The following FNDC3B variants were observed in gnomAD, a reference collection of about 807,000 sequenced individuals.
The protein encoded by FNDC3B is fibronectin type III domain containing 3B, also known as fibronectin type III domain-containing protein 3B.
In FNDC3B, 12 loss-of-function variants were observed where a neutral mutation model predicts 151.5. The observed-to-expected ratio is 0.08, with a 90% CI of 0.05 to 0.13. The LOEUF is 0.13. Among genes scored for constraint, FNDC3B ranks in the 10% least tolerant of loss-of-function variants. FNDC3B has a pLI of 1.00. For synonymous variants in FNDC3B, 528 were observed against 549.0 expected (o/e 0.96, Z 0.54); for missense variants, 1,214 against 1,505.3 (o/e 0.81, Z 3.20).
At chr3:172,094,803 T>C (rs1719018387) in intron 1 of FNDC3B, among the ~76,000 whole-genome samples, 1 of 151,482 alleles carries the variant, frequency 6.6e-6, no homozygotes, top group South Asian at 2.1e-4. Context: ...GAATCACTGG[T>C]CTGTGAGCGG....
At chr3:172,373,332 C>T (rs1364761251) in intron 23 of FNDC3B, among the ~76,000 whole-genome samples, 1 of 152,162 alleles carries the variant, frequency 6.6e-6, no homozygotes, top group Non-Finnish European at 1.5e-5. Context: ...ACAGCAGGAC[C>T]CTTCTGTTGC....
chr3:172,064,169 GCCTAAGGGAGCCTGATTGCC>G (rs1388754845), intron 1 of FNDC3B, among the ~76,000 whole-genome samples: 1 of 152,102 alleles, frequency 6.6e-6, no homozygotes, highest in Non-Finnish European at 1.5e-5. Context: ...TAGATAGACA[GCCTAAGGGAGCCTGATTGCC>G]CCTCCACCAT....
intron 3 of FNDC3B, among the ~76,000 whole-genome samples, chr3:172,155,327 C>G (rs1722429616): frequency 6.6e-6 from 1 of 152,246 alleles, no homozygotes; most frequent in South Asian, 2.1e-4. Context: ...CTGTGGCATC[C>G]CAATCTGATT....
At chr3:172,116,581 T>C (rs1475476320) in intron 2 of FNDC3B, among the ~76,000 whole-genome samples, 7 of 152,236 alleles carry the variant, frequency 4.6e-5, no homozygotes, top group Non-Finnish European at 1.0e-4. Flanking sequence ...TTGTTTTTTT[T>C]TTGAGATGGA....
At position 172,385,838 on chromosome 3, in the gene FNDC3B, G is replaced by A. The variant is rs190808150; in HGVS notation, c.3303+4745G>A. On this transcript the variant is annotated intron_variant, in intron 25 of 25. Transcript: ENST00000415807. ...CTCCCAAAGTGCTGGGATTACAGGCGTGAGCCACCATGCCCGGCCCTTCCC... is the reference window on the plus strand; with the variant it reads ...CTCCCAAAGTGCTGGGATTACAGGCATGAGCCACCATGCCCGGCCCTTCCC... Among the ~76,000 whole-genome samples the A allele has an allele frequency of 1.4e-4, 21 of 152,224 alleles. No individual in the cohort carries two copies. In the South Asian group the frequency reaches 3.3e-3, roughly 24 times the overall value.
intron 1 of FNDC3B, among the ~76,000 whole-genome samples, chr3:172,044,401 C>T (rs1374510831): frequency 6.7e-6 from 1 of 149,328 alleles, no homozygotes; most frequent in Non-Finnish European, 1.5e-5. Flanking sequence ...ATATCTGAAT[C>T]TATTGTATCT....
intron 7 of FNDC3B, among the ~76,000 whole-genome samples, chr3:172,293,733 A>T (rs904550834): frequency 2.6e-5 from 4 of 152,246 alleles, no homozygotes; most frequent in Non-Finnish European, 5.9e-5. Context: ...TAAATATATC[A>T]TGATATTCTA....
intron 25 of FNDC3B, among the ~76,000 whole-genome samples, chr3:172,393,277 C>T (rs918220680): frequency 1.3e-5 from 2 of 152,076 alleles, no homozygotes; most frequent in Non-Finnish European, 2.9e-5. Context: ...AAGTCAAAAA[C>T]TGTAAAAAGA....
chr3:172,226,299 C>G lies in FNDC3B; in HGVS notation c.188-572C>G, dbSNP rs761565613. Among the ~76,000 whole-genome samples, 55 of 116,912 alleles carry G rather than the reference C, an allele frequency of 4.7e-4. 2 individuals are homozygous for G. The highest frequency in any genetic ancestry group is 1.8e-3 in the Admixed American group (19 of 10,792). The allele number at this position is 116,912 out of a possible 152,430, so 76.7% of individuals were successfully genotyped here. On this transcript the variant is annotated intron_variant, in intron 3 of 25. Coordinates refer to ENST00000415807, the MANE Select transcript of FNDC3B (RefSeq NM_022763.4). ...CAGCCTTGGTGACAAGTGCGAAACT[C>G]TGTCTCAAAAAAAAAAAAAAAAAAT...
chr3:172,329,080 T>A lies in FNDC3B; in HGVS notation c.1379+4T>A. 2 of 1,608,580 alleles carry A rather than the reference T, an allele frequency of 1.2e-6. No homozygotes were observed. The highest frequency in any genetic ancestry group is 1.7e-6 in the Non-Finnish European group (2 of 1,176,662). On this transcript the variant is annotated splice_donor_region_variant and intron_variant, in intron 12 of 25. Coordinates refer to ENST00000415807, the MANE Select transcript of FNDC3B (RefSeq NM_022763.4). ...CTCGAAACGACATTGGTACCAGGTA[T>A]GACGTTTCCTTGTCCTCTTGCCCTT...
At chr3:172,193,719 A>T (rs1453806681) in intron 3 of FNDC3B, among the ~76,000 whole-genome samples, 1 of 151,884 alleles carries the variant, frequency 6.6e-6, no homozygotes, top group Non-Finnish European at 1.5e-5. Context: ...GTTGGAAGGG[A>T]CCTGTATTTG....
chr3:172,250,191 G>A (rs1196031473), intron 5 of FNDC3B, among the ~76,000 whole-genome samples: 2 of 152,104 alleles, frequency 1.3e-5, no homozygotes, highest in African/African-American at 4.8e-5. Context: ...ATTGCTTGCA[G>A]GCTTCTATTT....
Position 172,378,250 on chromosome 3 carries a change from G to A in FNDC3B, c.3009-20G>A. ...TTAGTAGACGTTCAGATGGCTAATT[G>A]ATTCTGCTCCTTCTTCTAGGTTTAT... On this transcript the variant is annotated intron_variant, in intron 23 of 25. Coordinates refer to ENST00000415807, the MANE Select transcript of FNDC3B (RefSeq NM_022763.4). The A allele has an allele frequency of 1.9e-6, 3 of 1,555,886 alleles. No homozygotes were observed. The highest frequency in any genetic ancestry group is 2.6e-6 in the Non-Finnish European group (3 of 1,154,230).
chr3:172,251,342 C>T lies in FNDC3B; in HGVS notation c.591C>T (p.Asp197=). The part of the protein sequence containing the change: ...YSKPPHKKLK[D]RQIDRQNRLN... ...AGCCTCCGCACAAAAAACTGAAAGA[C>T]CGCCAGATCGATCGCCAGAACCGCC... The change falls in exon 6 of 26, where the codon GAC becomes GAT. Residue 197 remains aspartate, a synonymous_variant. Transcript: ENST00000415807. 6.2e-7 allele frequency: 1 copy of T among 1,614,088 alleles called. No homozygotes were observed. The highest frequency in any genetic ancestry group is 1.1e-5 in the South Asian group (1 of 91,074).
intron 23 of FNDC3B, among the ~76,000 whole-genome samples, chr3:172,374,693 A>T (rs1205075693): frequency 6.6e-6 from 1 of 152,208 alleles, no homozygotes; most frequent in Non-Finnish European, 1.5e-5. Flanking sequence ...GTGCCCGGCC[A>T]GCAGTTTTCT....
chr3:172,290,877 A>G (rs1173295001), intron 7 of FNDC3B, among the ~76,000 whole-genome samples: 1 of 152,144 alleles, frequency 6.6e-6, no homozygotes, highest in Non-Finnish European at 1.5e-5. Flanking sequence ...AAGTGAAGCC[A>G]GTATTTGTGT....
intron 8 of FNDC3B, among the ~76,000 whole-genome samples, chr3:172,297,114 A>G (rs1730654567): frequency 1.3e-5 from 2 of 152,178 alleles, no homozygotes; most frequent in South Asian, 4.1e-4. Flanking sequence ...GCCTAAGTTG[A>G]TTGTTGCTAA....
intron 3 of FNDC3B, among the ~76,000 whole-genome samples, chr3:172,170,947 G>A (rs1194185747): frequency 6.6e-6 from 1 of 152,138 alleles, no homozygotes; most frequent in Non-Finnish European, 1.5e-5. Flanking sequence ...TCTGTTTACT[G>A]TAAGATAAAA....
intron 3 of FNDC3B, among the ~76,000 whole-genome samples, chr3:172,174,410 G>A (rs534596988): frequency 6.6e-6 from 1 of 152,126 alleles, no homozygotes; most frequent in South Asian, 2.1e-4. Flanking sequence ...TTTTTAGCCT[G>A]AACAACATGA....
Sources: allele counts gnomAD v4.1 joint callset (sites outside exome capture counted in the v4.1 genomes callset), GRCh38; gene constraint gnomAD v4.1.1; transcripts MANE v1.5; gene names NCBI Gene and HGNC (gene_info 2026-07-23, HGNC 2026-07-21).